HS2ST1: variants seen among roughly 807,000 people sequenced by gnomAD.
HS2ST1 encodes the protein 2-O-sulfotransferase.
A neutral mutation model predicts 42.9 loss-of-function variants in HS2ST1; 18 were observed. That is an observed-to-expected ratio of 0.42 (90% CI 0.29 to 0.62). HS2ST1 has a LOEUF of 0.62. Among genes scored for constraint, HS2ST1 ranks in the 20% least tolerant of loss-of-function variants. The pLI is 0.21. For synonymous variants in HS2ST1, 146 were observed against 152.9 expected, an observed-to-expected ratio of 0.95 and a Z score of 0.33; for missense variants, 334 against 433.8, an observed-to-expected ratio of 0.77 and a Z score of 2.04.
At chr1:87,038,449 C>A (rs944969552) in intron 1 of HS2ST1, among the ~76,000 whole-genome samples, 12 of 152,032 alleles carry the variant, frequency 7.9e-5, no homozygotes, top group African/African-American at 2.7e-4. Context: ...AAAACATTTT[C>A]AAAATTAAAT....
chr1:86,951,708 C>T (rs1261349398), intron 1 of HS2ST1, among the ~76,000 whole-genome samples: 2 of 152,186 alleles, frequency 1.3e-5, no homozygotes, highest in African/African-American at 4.8e-5. Context: ...TTAGATTTCT[C>T]TGTAGCACGG....
rs1343087524 is a variant in HS2ST1 at position 87,084,286 on chromosome 1, T to G, written c.449+7T>G. ...CTTACTTGGATTTTGCAAAGTAAGT[T>G]ACACTGAAATGACACGCTAAAGAAT... On this transcript the variant is annotated splice_region_variant and intron_variant, in intron 3 of 6. Coordinates refer to ENST00000370550, the MANE Select transcript of HS2ST1 (RefSeq NM_012262.4). 12 of 1,506,932 alleles carry G rather than the reference T, an allele frequency of 8.0e-6. No individual in the cohort carries two copies. The highest frequency in any genetic ancestry group is 1.1e-5 in the Non-Finnish European group (12 of 1,088,680). 93.3% of individuals were successfully genotyped at this position (1,506,932 alleles called of 1,614,324 possible). A position where few individuals can be genotyped will look rare whatever the true frequency, so the allele number is the denominator to read the frequency against.
chr1:86,999,148 T>C (rs948582000), intron 1 of HS2ST1, among the ~76,000 whole-genome samples: 1 of 152,180 alleles, frequency 6.6e-6, no homozygotes, highest in African/African-American at 2.4e-5. Context: ...TGATATAATC[T>C]GTTCTTTTTG....
chr1:86,927,213 T>C (rs1266042810), intron 1 of HS2ST1, among the ~76,000 whole-genome samples: 2 of 152,166 alleles, frequency 1.3e-5, no homozygotes, highest in Non-Finnish European at 2.9e-5. Context: ...GTAGTGCTAA[T>C]AGTAGTTATA....
chr1:86,957,512 A>G (rs1193054790), intron 1 of HS2ST1, among the ~76,000 whole-genome samples: 3 of 152,072 alleles, frequency 2.0e-5, no homozygotes, highest in Non-Finnish European at 4.4e-5. Context: ...CTTTTATTTT[A>G]CTTCTCTTTT....
chr1:86,963,548 C>T (rs1647919883), intron 1 of HS2ST1, among the ~76,000 whole-genome samples: 1 of 152,214 alleles, frequency 6.6e-6, no homozygotes, highest in African/African-American at 2.4e-5. Flanking sequence ...TCTCCTATGT[C>T]TACTTCTTTC....
At chr1:86,933,554 G>A (rs902870929) in intron 1 of HS2ST1, among the ~76,000 whole-genome samples, 3 of 152,010 alleles carry the variant, frequency 2.0e-5, no homozygotes, top group South Asian at 2.1e-4. Context: ...TTTGAATGTC[G>A]TGTAGTTTTT....
chr1:86,973,515 A>C (rs1325085273), intron 1 of HS2ST1, among the ~76,000 whole-genome samples: 1 of 152,124 alleles, frequency 6.6e-6, no homozygotes, highest in Non-Finnish European at 1.5e-5. Context: ...GTTGGGCCTC[A>C]AATTACCTCA....
chr1:87,072,298 T>C (rs987673510), intron 1 of HS2ST1, among the ~76,000 whole-genome samples: 1 of 152,196 alleles, frequency 6.6e-6, no homozygotes, highest in African/African-American at 2.4e-5. Context: ...TTAGCATTTA[T>C]AATCACTTTA....
chr1:87,073,964 A>C (rs1379416750), intron 2 of HS2ST1, among the ~76,000 whole-genome samples: 1 of 152,238 alleles, frequency 6.6e-6, no homozygotes, highest in Non-Finnish European at 1.5e-5. Context: ...ATGGTCCTGT[A>C]GTTACAATGA....
At position 87,108,197 on chromosome 1, in the gene HS2ST1, G is replaced by A. The variant is rs772638567; in HGVS notation, c.*3501G>A. 5.3e-5 allele frequency: 8 copies of A among 152,036 alleles called. No individual in the cohort carries two copies. The highest frequency in any genetic ancestry group is 1.2e-4 in the Non-Finnish European group (8 of 67,942). The allele number at this position is 152,036 out of a possible 1,614,324, so 9.4% of individuals were successfully genotyped here. A position where few individuals can be genotyped will look rare whatever the true frequency, so the allele number is the denominator to read the frequency against. On this transcript the variant is annotated 3_prime_UTR_variant, in exon 7 of 7. Transcript: ENST00000370550. The stretch of plus-strand genomic sequence containing the variant: ...TTAATAAAATCAAATAATTCTAAAA[G>A]TGCTAGAGAATTTAACTAAAAGCTG...
At chr1:87,028,045 C>G (rs1570495947) in intron 1 of HS2ST1, among the ~76,000 whole-genome samples, 1 of 152,212 alleles carries the variant, frequency 6.6e-6, no homozygotes, top group Non-Finnish European at 1.5e-5. Flanking sequence ...ATCTGGATAT[C>G]TTCTGGTATT....
At chr1:87,066,008 A>G (rs1048123044) in intron 1 of HS2ST1, among the ~76,000 whole-genome samples, 4 of 152,228 alleles carry the variant, frequency 2.6e-5, no homozygotes, top group Non-Finnish European at 5.9e-5. Flanking sequence ...CCCATAATAT[A>G]GAACTATTGC....
intron 1 of HS2ST1, among the ~76,000 whole-genome samples, chr1:86,958,164 T>A (rs1467550370): frequency 1.3e-5 from 2 of 152,218 alleles, no homozygotes; most frequent in African/African-American, 2.4e-5. Flanking sequence ...GCGCCTCTGC[T>A]GCACAGTGGG....
intron 1 of HS2ST1, among the ~76,000 whole-genome samples, chr1:86,964,493 TCAGGCGTGGCGG>T (rs1647977527): frequency 6.6e-6 from 1 of 152,076 alleles, no homozygotes; most frequent in East Asian, 1.9e-4. Context: ...CGAAAACCAG[TCAGGCGTGGCGG>T]CACGCGCCTG....
chr1:86,923,061 T>C (rs527706689), intron 1 of HS2ST1, among the ~76,000 whole-genome samples: 2 of 152,354 alleles, frequency 1.3e-5, no homozygotes, highest in East Asian at 3.8e-4. Context: ...TTTTTACTGC[T>C]AGGTCTTTAA....
intron 3 of HS2ST1, among the ~76,000 whole-genome samples, chr1:87,091,220 G>T (rs1185222568): frequency 6.6e-6 from 1 of 151,874 alleles, no homozygotes; most frequent in East Asian, 1.9e-4. Context: ...AGGAATTAAT[G>T]TAGAAAAAAG....
rs1651359673 is a variant in HS2ST1, at chr1:87,069,929, C to T, written c.125-3005C>T. ...ATGAGGTAATTTTAAAACAATTTTG[C>T]AGTTTGTCTCATGTTTTTTATAGAT... On this transcript the variant is annotated intron_variant, in intron 1 of 6. Coordinates refer to ENST00000370550, the MANE Select transcript of HS2ST1 (RefSeq NM_012262.4). 5.3e-5 allele frequency among the ~76,000 whole-genome samples: 8 copies of T among 152,230 alleles called. No individual in the cohort carries two copies. The South Asian group carries it at 1.7e-3, about 32-fold the overall frequency.
intron 1 of HS2ST1, among the ~76,000 whole-genome samples, chr1:87,021,625 C>G (rs1414779698): frequency 1.3e-5 from 2 of 152,142 alleles, no homozygotes; most frequent in Non-Finnish European, 2.9e-5. Flanking sequence ...AGGGATCCTC[C>G]CACCTCAGTC....
Sources: gnomAD v4.1 joint callset for allele counts (sites outside exome capture counted in the v4.1 genomes callset) on GRCh38, gnomAD v4.1.1 for gene constraint, MANE v1.5 for transcripts, NCBI Gene and HGNC (gene_info 2026-07-23, HGNC 2026-07-21) for gene names.